The following TMPRSS7 variants were observed in gnomAD, a reference collection of about 807,000 sequenced individuals.
The protein encoded by TMPRSS7 is transmembrane protease serine 7.
Under a neutral mutation model 95.6 loss-of-function variants are expected in TMPRSS7, and 81 were observed. The ratio of observed to expected loss-of-function variants is 0.85; its 90% CI spans 0.71 to 1.02. The LOEUF is 1.02. Among genes scored for constraint, TMPRSS7 ranks in the 50% least tolerant of loss-of-function variants. The pLI is 0.00. For synonymous variants in TMPRSS7, 364 were observed against 337.8 expected, an observed-to-expected ratio of 1.08 and a Z score of -0.85; for missense variants, 945 against 955.2, an observed-to-expected ratio of 0.99 and a Z score of 0.14.
At chr3:112,044,917 G>A (rs1459692166) in intron 4 of TMPRSS7, among the ~76,000 whole-genome samples, 2 of 152,094 alleles carry the variant, frequency 1.3e-5, no homozygotes, top group Non-Finnish European at 2.9e-5. Context: ...TTCCTAAAAC[G>A]TGGCAGTATT....
At chr3:112,070,927 G>T (rs1379495521) in intron 13 of TMPRSS7, among the ~76,000 whole-genome samples, 1 of 152,000 alleles carries the variant, frequency 6.6e-6, no homozygotes, top group Non-Finnish European at 1.5e-5. Flanking sequence ...TTTTAACTGG[G>T]GCATTTAGCC....
intron 3 of TMPRSS7, among the ~76,000 whole-genome samples, chr3:112,042,685 A>G (rs2073224599): frequency 6.6e-6 from 1 of 152,340 alleles, no homozygotes. Flanking sequence ...TTTAAAAAAT[A>G]TAAGTTACAA....
At chr3:112,042,185 T>G (rs530970799) in intron 3 of TMPRSS7, 135 bp downstream of exon 3, 148 of 604,506 alleles carry the variant, frequency 2.4e-4, no homozygotes, top group Middle Eastern at 1.3e-3. Context: ...CAAAGGAAGG[T>G]GTCAGAAGAA....
At chr3:112,041,024 G>A (rs866634826) in intron 2 of TMPRSS7, among the ~76,000 whole-genome samples, 1 of 150,330 alleles carries the variant, frequency 6.7e-6, no homozygotes, top group Non-Finnish European at 1.5e-5. Flanking sequence ...AGAAGGATGC[G>A]TGAGCTTCTG....
intron 4 of TMPRSS7, among the ~76,000 whole-genome samples, 179 bp downstream of exon 4, chr3:112,044,501 G>C (rs2073252130): frequency 6.6e-6 from 1 of 152,082 alleles, no homozygotes; most frequent in Admixed American, 6.5e-5. Context: ...CTGTGTTTTT[G>C]CTCTTTATCC....
chr3:112,041,787 G>GCTCTGAACTTTTAA, intron 2 of TMPRSS7, 133 bp from the exon 3 acceptor site: 1 of 617,196 alleles, frequency 1.6e-6, no homozygotes, highest in Non-Finnish European at 2.9e-6. Flanking sequence ...AAGTTCACAG[G>GCTCTGAACTTTTAA]CTCTGAACCA....
chr3:112,045,032 G>A (rs940556464), intron 4 of TMPRSS7, among the ~76,000 whole-genome samples: 12 of 152,192 alleles, frequency 7.9e-5, no homozygotes, highest in African/African-American at 2.2e-4. Flanking sequence ...TTCGGCTTCA[G>A]TTTTCTCACC....
At chr3:112,077,794 G>A (rs890777754) in intron 16 of TMPRSS7, among the ~76,000 whole-genome samples, 1 of 152,148 alleles carries the variant, frequency 6.6e-6, no homozygotes, top group Non-Finnish European at 1.5e-5. Context: ...CATCTACCCT[G>A]CCAAGGTTTT....
rs201372286 is a variant in TMPRSS7, at chr3:112,047,864, C to T, written c.856C>T (p.Arg286Cys). 1.4e-4 allele frequency: 218 copies of T among 1,613,942 alleles called. No homozygotes were observed. Among genetic ancestry groups the T allele is most frequent in the Non-Finnish European group, 1.7e-4 (200 of 1,180,008 alleles). The stretch of plus-strand genomic sequence containing the variant: ...GGTGGCCATAGTGGGCTACCTGATT[C>T]GTCTCTCAATCAAGTCCATCCAAAT... The change falls in exon 7 of 18, where the codon CGT (arginine) becomes TGT (cysteine). Residue 286 changes from arginine (R) to cysteine (C), a missense_variant. By Grantham distance (180) the Arg-to-Cys change is radical (BLOSUM62 -3). Coordinates refer to ENST00000452346, the Ensembl canonical transcript of TMPRSS7.
intron 11 of TMPRSS7, 65 bp from the exon 12 acceptor site, chr3:112,063,460 T>A (rs547706182): frequency 3.4e-5 from 42 of 1,225,324 alleles, no homozygotes; most frequent in Non-Finnish European, 4.6e-5. Flanking sequence ...AATTTGCTAA[T>A]GTGGTCTAGT....
chr3:112,041,325 G>A lies in TMPRSS7; in HGVS notation c.299-595G>A, dbSNP rs566073356. On this transcript the variant is annotated intron_variant, in intron 2 of 17. Transcript: ENST00000452346. ...GTGACCTTGAATGGATCTTAGAGGGGAAGCTGTTTCCTATCACTCACAGCA... is the reference window on the plus strand; with the variant it reads ...GTGACCTTGAATGGATCTTAGAGGGAAAGCTGTTTCCTATCACTCACAGCA... Among the ~76,000 whole-genome samples, 5 of 152,234 alleles carry A rather than the reference G, an allele frequency of 3.3e-5. No individual in the cohort carries two copies. In the South Asian group the frequency reaches 1.0e-3, roughly 32 times the overall value.
intron 6 of TMPRSS7, chr3:112,047,532 C>A (rs1037969689): frequency 3.0e-6 from 2 of 661,846 alleles, no homozygotes; most frequent in Non-Finnish European, 5.5e-6. Flanking sequence ...TGAGTTTAAC[C>A]CCAACCAAAC....
intron 7 of TMPRSS7, 36 bp downstream of exon 7, chr3:112,048,003 A>G (rs774853829): frequency 1.9e-6 from 3 of 1,576,958 alleles, no homozygotes; most frequent in East Asian, 4.5e-5. Flanking sequence ...GGGTAAAAAT[A>G]TTTTTCACAA....
chr3:112,042,740 G>A (rs959748542), intron 3 of TMPRSS7, among the ~76,000 whole-genome samples: 10 of 152,200 alleles, frequency 6.6e-5, no homozygotes, highest in African/African-American at 2.4e-4. Context: ...TGTTTAGGCT[G>A]TTCCCAACTT....
At chr3:112,065,415 T>C (rs574866532) in intron 12 of TMPRSS7, among the ~76,000 whole-genome samples, 1 of 152,328 alleles carries the variant, frequency 6.6e-6, no homozygotes, top group African/African-American at 2.4e-5. Context: ...ATTATTTAAA[T>C]CTATAGTATT....
intron 6 of TMPRSS7, chr3:112,047,258 C>T (rs2073290590): frequency 1.7e-6 from 1 of 602,834 alleles, no homozygotes; most frequent in Non-Finnish European, 3.0e-6. Flanking sequence ...AACTCTGCAT[C>T]TCTGCCTACT....
chr3:112,057,649 T>C (rs956336985), intron 10 of TMPRSS7, among the ~76,000 whole-genome samples: 1 of 152,242 alleles, frequency 6.6e-6, no homozygotes, highest in Non-Finnish European at 1.5e-5. Context: ...CTCTTAATTA[T>C]TGTTGTTGAT....
At chr3:112,060,510 T>C (rs945379575) in intron 10 of TMPRSS7, among the ~76,000 whole-genome samples, 5 of 152,208 alleles carry the variant, frequency 3.3e-5, no homozygotes, top group Non-Finnish European at 7.4e-5. Flanking sequence ...TTAGGGATGT[T>C]CCTTGCTGAG....
At chr3:112,081,143 C>A in exon 18 of TMPRSS7, 2 of 1,516,108 alleles carry the variant, frequency 1.3e-6, no homozygotes, top group Non-Finnish European at 1.8e-6. Flanking sequence ...TAAAATGATG[C>A]AGTAATTGGC....
Sources: allele counts gnomAD v4.1 joint callset (sites outside exome capture counted in the v4.1 genomes callset), GRCh38; gene constraint gnomAD v4.1.1; transcripts MANE v1.5; gene names NCBI Gene and HGNC (gene_info 2026-07-23, HGNC 2026-07-21).